The following STIL variants were observed in gnomAD, a reference collection of about 807,000 sequenced individuals.
STIL encodes the protein STIL centriolar assembly protein.
In STIL, 55 loss-of-function variants were observed where a neutral mutation model predicts 110.1. The ratio of observed to expected loss-of-function variants is 0.50; its 90% confidence interval spans 0.40 to 0.63. The LOEUF is 0.63. Ranked by LOEUF, STIL falls within the 20% of genes least tolerant of loss-of-function variation. The pLI, the probability that STIL is intolerant of heterozygous loss-of-function variation, is 0.00. For synonymous variants in STIL, 481 were observed against 530.0 expected (o/e 0.91, Z 1.27); for missense variants, 1,358 against 1,530.0 (o/e 0.89, Z 1.87).
chr1:47,262,426 C>A (rs1032093841), intron 15 of STIL, among the ~76,000 whole-genome samples: 1 of 152,184 alleles, frequency 6.6e-6, no homozygotes, highest in South Asian at 2.1e-4. Flanking sequence ...TACTAGTCTG[C>A]ATGTGCTGTT....
chr1:47,296,855 C>G lies in STIL; in HGVS notation c.702-1007G>C, dbSNP rs547728089. On this transcript the variant is annotated intron_variant, in intron 6 of 16. Transcript: ENST00000371877. ...AACAATGCCATTAGTGATATAAAGC[C>G]TTGGCAGTACCACTGATGATATATT... 2.6e-5 allele frequency among the ~76,000 whole-genome samples: 4 copies of G among 152,266 alleles called. No individual in the cohort carries two copies. In the South Asian group the frequency reaches 8.3e-4, roughly 32 times the overall value.
At chr1:47,268,490 C>G (rs1412448218) in intron 14 of STIL, among the ~76,000 whole-genome samples, 1 of 152,078 alleles carries the variant, frequency 6.6e-6, no homozygotes, top group East Asian at 1.9e-4. Flanking sequence ...CACAGTGGCT[C>G]ATGCCTGTAA....
At chr1:47,276,574 G>A (rs949485062) in intron 12 of STIL, among the ~76,000 whole-genome samples, 5 of 151,640 alleles carry the variant, frequency 3.3e-5, no homozygotes, top group African/African-American at 9.7e-5. Context: ...CTGGGAGGCC[G>A]AGGCAGGTGG....
At chr1:47,298,730 C>T (rs982590327) in intron 6 of STIL, among the ~76,000 whole-genome samples, 5 of 151,374 alleles carry the variant, frequency 3.3e-5, no homozygotes, top group East Asian at 3.9e-4. Context: ...AATTATCAAC[C>T]AATTTGTTTT....
intron 12 of STIL, among the ~76,000 whole-genome samples, chr1:47,275,345 A>G (rs1291822601): frequency 1.3e-5 from 2 of 151,694 alleles, no homozygotes; most frequent in African/African-American, 4.8e-5. Context: ...GCGGTGGCTC[A>G]CTCCTGTAAT....
chr1:47,267,837 G>C lies in STIL; in HGVS notation c.2615+1798C>G, dbSNP rs1644700008. Among the ~76,000 whole-genome samples, 4 of 152,076 alleles carry C rather than the reference G, an allele frequency of 2.6e-5. No homozygotes were observed. In the South Asian group the frequency reaches 8.3e-4, roughly 32 times the overall value. On this transcript the variant is annotated intron_variant, in intron 14 of 16. Coordinates refer to ENST00000371877, the MANE Select transcript of STIL (RefSeq NM_001048166.1). ...CAATTCTCCTGCCTCAGCCTCCCAA[G>C]TACCTGGGACTACATGTGTGCACCA...
At chr1:47,281,810 A>G (rs1645164953) in intron 11 of STIL, among the ~76,000 whole-genome samples, 1 of 152,178 alleles carries the variant, frequency 6.6e-6, no homozygotes, top group Non-Finnish European at 1.5e-5. Flanking sequence ...TTCTTCTAAA[A>G]TAAGAATTAA....
chr1:47,257,268 C>G (rs905358099), intron 16 of STIL, among the ~76,000 whole-genome samples: 3 of 152,128 alleles, frequency 2.0e-5, no homozygotes, highest in Non-Finnish European at 4.4e-5. Flanking sequence ...CCAGACGGAG[C>G]CTAAGATAAC....
chr1:47,292,100 G>T lies in STIL; in HGVS notation c.872+1358C>A, dbSNP rs376774393. On this transcript the variant is annotated intron_variant, in intron 8 of 16. Transcript: ENST00000371877. ...TGGTCTGGAACTCCTGGCCTCAAGC[G>T]ATCCTCCTGCCTCAGCCTCCCAAAG... Among the ~76,000 whole-genome samples, 6 of 151,116 alleles carry T rather than the reference G, an allele frequency of 4.0e-5. No homozygotes were observed. The East Asian group carries it at 1.2e-3, about 29-fold the overall frequency.
At chr1:47,290,502 G>A (rs1187430599) in intron 8 of STIL, among the ~76,000 whole-genome samples, 3 of 151,984 alleles carry the variant, frequency 2.0e-5, no homozygotes, top group South Asian at 2.1e-4. Flanking sequence ...CCAGGAGATC[G>A]AGACCATCCT....
rs3766317 is a variant in STIL at position 47,251,566 on chromosome 1, G to A, written c.3437C>T (p.Ala1146Val). 2.1e-4 allele frequency: 334 copies of A among 1,613,948 alleles called. No homozygotes were observed. In the East Asian group the frequency reaches 7.3e-3, roughly 35 times the overall value. Residue 1146 changes from alanine to valine, a missense_variant, in exon 17 of 17, where the codon GCA (alanine) becomes GTA (valine). Physicochemically the swap from Ala to Val is moderately conservative, Grantham distance 64. Coordinates refer to ENST00000371877, the MANE Select transcript of STIL (RefSeq NM_001048166.1). ...CAATAAATATTCACTCTTGCTATCT[G>A]CATTGTCGGGAGGTTCCTCTTCATC... ...SEDEEEPPDN[A>V]DSKSEYLLNQ... is the part of the protein sequence containing the mutation.
chr1:47,257,230 T>C (rs564731627), intron 16 of STIL, among the ~76,000 whole-genome samples: 1 of 152,334 alleles, frequency 6.6e-6, no homozygotes, highest in African/African-American at 2.4e-5. Flanking sequence ...ATTAATCAGG[T>C]AGGCCTCAGA....
intron 1 of STIL, among the ~76,000 whole-genome samples, chr1:47,311,194 C>T (rs1646112585): frequency 6.6e-6 from 1 of 151,694 alleles, no homozygotes; most frequent in African/African-American, 2.4e-5. Flanking sequence ...CTATCCTCCA[C>T]TCCCATTGCT....
intron 1 of STIL, 136 bp from the exon 2 acceptor site, chr1:47,310,498 C>G (rs1646092466): frequency 5.4e-6 from 3 of 557,028 alleles, no homozygotes; most frequent in Admixed American, 3.1e-5. Flanking sequence ...AGATTAAATG[C>G]TTGTAGATTC....
intron 1 of STIL, among the ~76,000 whole-genome samples, chr1:47,313,392 T>A (rs1183610464): frequency 6.6e-6 from 1 of 152,028 alleles, no homozygotes; most frequent in Non-Finnish European, 1.5e-5. Flanking sequence ...GAATAAAGGA[T>A]CTTCACAATC....
Position 47,269,728 on chromosome 1 carries a change from C to A in STIL, c.2522G>T (p.Ser841Ile). The A allele has an allele frequency of 1.9e-6, 3 of 1,614,144 alleles. No homozygotes were observed. The South Asian group carries it at 3.3e-5, about 18-fold the overall frequency. Residue 841 changes from serine to isoleucine, a missense_variant, in exon 14 of 17, where the codon AGT becomes ATT. Coordinates refer to ENST00000371877, the MANE Select transcript of STIL (RefSeq NM_001048166.1). The stretch of plus-strand genomic sequence containing the variant: ...ATCAACTGCTTTTAATGAAGATGCA[C>A]TACCTGGAAGACTTGTGACTTCATT... ...INNEVTSLPG[S>I]ASSLKAVDIP...
chr1:47,262,636 C>T (rs1031560089), intron 15 of STIL, among the ~76,000 whole-genome samples: 1 of 152,058 alleles, frequency 6.6e-6, no homozygotes, highest in African/African-American at 2.4e-5. Context: ...TTTTCTAATA[C>T]TAATTTTGGT....
At chr1:47,278,499 A>G (rs1285846708) in intron 12 of STIL, among the ~76,000 whole-genome samples, 1 of 152,130 alleles carries the variant, frequency 6.6e-6, no homozygotes, top group African/African-American at 2.4e-5. Flanking sequence ...TATTTTAAGT[A>G]TACAAATTCC....
At chr1:47,273,931 T>C (rs1336967295) in intron 12 of STIL, among the ~76,000 whole-genome samples, 1 of 152,234 alleles carries the variant, frequency 6.6e-6, no homozygotes, top group African/African-American at 2.4e-5. Flanking sequence ...TTTGGTATCA[T>C]GTGGCTATAA....
Sources: gnomAD v4.1 joint callset for allele counts (sites outside exome capture counted in the v4.1 genomes callset) on GRCh38, gnomAD v4.1.1 for gene constraint, MANE v1.5 for transcripts, NCBI Gene and HGNC (gene_info 2026-07-23, HGNC 2026-07-21) for gene names.